The following GTPBP3 variants were observed in gnomAD, a reference collection of about 807,000 sequenced individuals.
GTPBP3 encodes GTP binding protein 3, mitochondrial.
In GTPBP3, 35 loss-of-function variants were observed where a neutral mutation model predicts 42.0. The ratio of observed to expected loss-of-function variants is 0.83; its 90% CI spans 0.64 to 1.10. GTPBP3 has a LOEUF of 1.10. Ranked by LOEUF, GTPBP3 falls within the 50% of genes least tolerant of loss-of-function variation. GTPBP3 has a pLI of 0.00. For synonymous variants in GTPBP3, 332 were observed against 314.9 expected, an observed-to-expected ratio of 1.05 and a Z score of -0.58; for missense variants, 691 against 685.2, an observed-to-expected ratio of 1.01 and a Z score of -0.09.
rs2074432076 is a variant in GTPBP3 at position 17,341,509 on chromosome 19, C to T, written c.1285C>T (p.Leu429=). ...CGDPSTDPPL[L]TRARHQHHLQ... is the part of the protein sequence containing the mutation. The stretch of plus-strand genomic sequence containing the variant: ...GGACCCGTCCACAGATCCCCCGCTG[C>T]TGACCCGAGCAAGGCACCAGCACCA... Residue 429 remains leucine (L), a synonymous_variant, in exon 9 of 9, where the codon CTG becomes TTG. Transcript: ENST00000324894. 7 of 1,613,150 alleles carry T rather than the reference C, an allele frequency of 4.3e-6. No homozygotes were observed. The highest frequency in any genetic ancestry group is 1.7e-4 in the Middle Eastern group (1 of 6,056).
chr19:17,341,129 G>T lies in GTPBP3; in HGVS notation c.1060G>T (p.Val354Leu), dbSNP rs781586705. ...CAGTTGCAACTTCCTGGCCACCGTC[G>T]TAGCCTCTGTGGGAGCCCAGAGCCC... Reference protein sequence around the residue: ...PSSCNFLATVVASVGAQSPSD... With the variant: ...PSSCNFLATVLASVGAQSPSD... The change falls in exon 8 of 9, where the codon GTA (valine) becomes TTA (leucine). Residue 354 changes from valine to leucine, a missense_variant. Transcript: ENST00000324894. 3 of 1,613,662 alleles carry T rather than the reference G, an allele frequency of 1.9e-6. No individual in the cohort carries two copies. The highest frequency in any genetic ancestry group is 2.5e-6 in the Non-Finnish European group (3 of 1,180,016).
chr19:17,340,128 G>A (rs955642075), intron 7 of GTPBP3, among the ~76,000 whole-genome samples: 1 of 151,878 alleles, frequency 6.6e-6, no homozygotes, highest in African/African-American at 2.4e-5. Flanking sequence ...TCCGCCTCTC[G>A]GGTTCAAGTG....
chr19:17,335,159 C>T, upstream of GTPBP3: 1 of 1,533,340 alleles, frequency 6.5e-7, no homozygotes, highest in Non-Finnish European at 8.7e-7. Context: ...AGGGGCGGGC[C>T]GGTTGGGGAA....
Position 17,339,411 on chromosome 19 carries a change from CTCT to C in GTPBP3, c.809-16_809-14del, listed in dbSNP as rs1243045895. The C allele has an allele frequency of 2.5e-6, 4 of 1,611,610 alleles. No individual in the cohort carries two copies. Among genetic ancestry groups the C allele is most frequent in the East Asian group, 2.2e-5 (1 of 44,866 alleles). On this transcript the variant is annotated intron_variant, in intron 6 of 8. Coordinates refer to ENST00000324894, the MANE Select transcript of GTPBP3 (RefSeq NM_032620.4). Reference sequence around the variant, plus strand: ...GGAGCTCCCTTGTCTCCACCCTCTCCTCTTCTTCTGACCCTCCCCCAGGTCGGA... The same window carrying C: ...GGAGCTCCCTTGTCTCCACCCTCTCCTCTTCTGACCCTCCCCCAGGTCGGA...
At chr19:17,335,504 G>A (rs1335419822), upstream of GTPBP3, among the ~76,000 whole-genome samples, 2 of 152,136 alleles carry the variant, frequency 1.3e-5, no homozygotes, top group Non-Finnish European at 2.9e-5. Flanking sequence ...AGGCTGCAGT[G>A]AGCTGAGATC....
Position 17,339,035 on chromosome 19 carries a change from A to G in GTPBP3, c.664+9A>G, listed in dbSNP as rs544669646. On this transcript the variant is annotated intron_variant, in intron 5 of 8. Transcript: ENST00000324894. ...GGGGGTCCTGGAGCAAGGTGGGTCT[A>G]CCTGGTGGTGGGGGAGGAAGACACC... 5.1e-5 allele frequency: 83 copies of G among 1,614,138 alleles called. 1 individual carries two copies. In the South Asian group the frequency reaches 5.3e-4, roughly 10 times the overall value.
rs952643792 is a variant in GTPBP3, at chr19:17,341,935, C to G, written c.*232C>G. On this transcript the variant is annotated 3_prime_UTR_variant, in exon 9 of 9. Coordinates refer to ENST00000324894, the MANE Select transcript of GTPBP3 (RefSeq NM_032620.4). ...GTTCGACCCTTGATGCTGGGGCATC[C>G]GGGTTGGGATGGAGATAGGAGGATC... The G allele has an allele frequency of 4.7e-6, 2 of 424,764 alleles. No homozygotes were observed. Among genetic ancestry groups the G allele is most frequent in the East Asian group, 7.0e-5 (2 of 28,734 alleles). 26.3% of individuals were successfully genotyped at this position (424,764 alleles called of 1,614,324 possible).
chr19:17,339,125 G>A lies in GTPBP3; in HGVS notation c.667G>A (p.Asp223Asn), dbSNP rs1203453716. 1.9e-6 allele frequency: 3 copies of A among 1,614,078 alleles called. No homozygotes were observed. The African/African-American group carries it at 4.0e-5, about 22-fold the overall frequency. The change falls in exon 6 of 9, where the codon GAC (aspartate) becomes AAC (asparagine). Residue 223 changes from aspartate (D) to asparagine (N), a missense_variant and splice_region_variant. By Grantham distance (23) the Asp-to-Asn change is conservative. Coordinates refer to ENST00000324894, the MANE Select transcript of GTPBP3 (RefSeq NM_032620.4). ...TGCCTGCCTTCTCTCACCCACAGCC[G>A]ACATCGAAGTACGGGCACTGCAGGT... ...NLEEGVLEQA[D>N]IEVRALQVAL...
In GTPBP3 at chr19:17,339,124, C is replaced by T. The variant is rs1485693530; in HGVS notation, c.666C>T (p.Ala222=). The part of the protein sequence containing the change: ...DNLEEGVLEQ[A]DIEVRALQVA... ...CTGCCTGCCTTCTCTCACCCACAGC[C>T]GACATCGAAGTACGGGCACTGCAGG... Residue 222 remains alanine (A), a splice_region_variant and synonymous_variant, in exon 6 of 9, where the codon GCC becomes GCT. Coordinates refer to ENST00000324894, the MANE Select transcript of GTPBP3 (RefSeq NM_032620.4). 3 of 1,614,104 alleles carry T rather than the reference C, an allele frequency of 1.9e-6. No homozygotes were observed. Among genetic ancestry groups the T allele is most frequent in the Non-Finnish European group, 1.7e-6 (2 of 1,180,052 alleles).
At chr19:17,337,779 C>T (rs1022901252) in intron 1 of GTPBP3, 115 bp downstream of exon 1, 35 of 1,315,542 alleles carry the variant, frequency 2.7e-5, no homozygotes, top group East Asian at 5.4e-5. Flanking sequence ...CGCGTTCTTC[C>T]GTGCCTCAAT....
At position 17,341,639 on chromosome 19, in the gene GTPBP3, C is replaced by T; in HGVS notation, c.1415C>T (p.Thr472Ile). 6.2e-7 allele frequency: 1 copy of T among 1,613,142 alleles called. No homozygotes were observed. Among genetic ancestry groups the T allele is most frequent in the Non-Finnish European group, 8.5e-7 (1 of 1,179,510 alleles). The part of the protein sequence containing the change: ...RVARGHLTRL[T>I]GGGGTEEILD... ...GCCCGGGGTCACCTGACCCGGCTCACAGGTGGAGGGGGTACCGAGGAGATC... is the reference window on the plus strand; with the variant it reads ...GCCCGGGGTCACCTGACCCGGCTCATAGGTGGAGGGGGTACCGAGGAGATC... Residue 472 changes from threonine to isoleucine, a missense_variant, in exon 9 of 9, where the codon ACA becomes ATA. Thr to Ile is a moderately conservative substitution (Grantham distance 89). Coordinates refer to ENST00000324894, the MANE Select transcript of GTPBP3 (RefSeq NM_032620.4).
rs1568366913 is a variant in GTPBP3 at position 17,339,276 on chromosome 19, C to T, written c.808+10C>T. ...CTAGTGAACCTGCTCAGTGAGTAGG[C>T]GGCGGGAAGGGGGCGGGGCCTAGTG... On this transcript the variant is annotated intron_variant, in intron 6 of 8. Coordinates refer to ENST00000324894, the MANE Select transcript of GTPBP3 (RefSeq NM_032620.4). 4 of 1,589,020 alleles carry T rather than the reference C, an allele frequency of 2.5e-6. No homozygotes were observed. Among genetic ancestry groups the T allele is most frequent in the South Asian group, 2.2e-5 (2 of 89,306 alleles).
chr19:17,337,367 T>A, upstream of GTPBP3: 1 of 712,894 alleles, frequency 1.4e-6, no homozygotes, highest in Non-Finnish European at 1.9e-6. Flanking sequence ...TTTGGTCTCA[T>A]GTTGCCCGGG....
At chr19:17,340,887 C>T (rs2074423434) in intron 7 of GTPBP3, 157 bp from the exon 8 acceptor site, 1 of 758,674 alleles carries the variant, frequency 1.3e-6, no homozygotes, top group Non-Finnish European at 2.1e-6. Context: ...CTTGGGCCCC[C>T]AACATTCTGC....
chr19:17,340,765 C>T (rs2074421689), intron 7 of GTPBP3, among the ~76,000 whole-genome samples: 1 of 147,922 alleles, frequency 6.8e-6, no homozygotes, highest in Admixed American at 6.8e-5. Flanking sequence ...CTGCACTGTG[C>T]CCAGCCCCTC....
chr19:17,339,454 G>A lies in GTPBP3; in HGVS notation c.829G>A (p.Val277Met). 2 of 1,613,884 alleles carry A rather than the reference G, an allele frequency of 1.2e-6. No homozygotes were observed. The change falls in exon 7 of 9, where the codon GTG becomes ATG. Residue 277 changes from valine to methionine, a missense_variant. Coordinates refer to ENST00000324894, the MANE Select transcript of GTPBP3 (RefSeq NM_032620.4). ...NLLSRKPVSI[V>M]SPEPGTTRDV... The stretch of plus-strand genomic sequence containing the variant: ...CCCAGGTCGGAAGCCTGTGTCCATC[G>A]TGTCCCCGGAGCCAGGGACCACCCG...
At position 17,341,685 on chromosome 19, in the gene GTPBP3, C is replaced by T. The variant is rs759366517; in HGVS notation, c.1461C>T (p.Asp487=). 1.1e-5 allele frequency: 17 copies of T among 1,585,236 alleles called. No individual in the cohort carries two copies. Among genetic ancestry groups the T allele is most frequent in the Admixed American group, 3.5e-5 (2 of 57,902 alleles). Residue 487 remains aspartate, a synonymous_variant, in exon 9 of 9, where the codon GAC becomes GAT. Transcript: ENST00000324894. ...TEEILDIIFQ[D]FCVGK is the part of the protein sequence containing the mutation. Reference sequence around the variant, plus strand: ...AGATCCTGGACATCATCTTCCAGGACTTCTGTGTGGGCAAGTGACGGGATC... The same window carrying T: ...AGATCCTGGACATCATCTTCCAGGATTTCTGTGTGGGCAAGTGACGGGATC...
In GTPBP3 at chr19:17,340,948, C is replaced by T. The variant is rs563812528; in HGVS notation, c.975-96C>T. ...CTCCCGACCTCACGCTTCGCAGCTC[C>T]CCCAGTGCTCTGCCTGGCCCCTCTA... On this transcript the variant is annotated intron_variant, in intron 7 of 8. Transcript: ENST00000324894. 114 of 1,397,546 alleles carry T rather than the reference C, an allele frequency of 8.2e-5. No individual in the cohort carries two copies. In the African/African-American group the frequency reaches 1.4e-3, roughly 17 times the overall value. The allele number at this position is 1,397,546 out of a possible 1,614,324, so 86.6% of individuals were successfully genotyped here.
rs777733575 is a variant in GTPBP3 at position 17,338,559 on chromosome 19, C to T, written c.409C>T (p.Pro137Ser). 23 of 1,613,870 alleles carry T rather than the reference C, an allele frequency of 1.4e-5. No individual in the cohort carries two copies. Among genetic ancestry groups the T allele is most frequent in the Middle Eastern group, 1.6e-4 (1 of 6,062 alleles). ...TGCAGGCAGCGTGCCAGGGCTTCGA[C>T]CGGCGGAGGCAGGCGAGTTCACCAG... Reference protein sequence around the residue: ...QALGSVPGLRPAEAGEFTRRA... With the variant: ...QALGSVPGLRSAEAGEFTRRA... Residue 137 changes from proline (P) to serine (S), a missense_variant, in exon 4 of 9, where the codon CCG becomes TCG. Physicochemically the swap from Pro to Ser is moderately conservative, Grantham distance 74. Coordinates refer to ENST00000324894, the MANE Select transcript of GTPBP3 (RefSeq NM_032620.4).
Sources: gnomAD v4.1 joint callset for allele counts (sites outside exome capture counted in the v4.1 genomes callset) on GRCh38, gnomAD v4.1.1 for gene constraint, MANE v1.5 for transcripts, NCBI Gene and HGNC (gene_info 2026-07-23, HGNC 2026-07-21) for gene names.